Variants in SLC27A6 observed in about 807,000 individuals in gnomAD.
SLC27A6 encodes the protein long-chain fatty acid transport protein 6.
Under a neutral mutation model 63.9 loss-of-function variants are expected in SLC27A6, and 74 were observed. The ratio of observed to expected loss-of-function variants is 1.16; its 90% CI spans 0.96 to 1.40. The LOEUF (loss-of-function observed/expected upper bound fraction) is 1.40. Ranked by LOEUF, SLC27A6 falls within the 40% of genes most tolerant of loss-of-function variation. SLC27A6 has a pLI of 0.00. For missense variants in SLC27A6, 794 were observed against 732.9 expected, an observed-to-expected ratio of 1.08 and a Z score of -0.96; for synonymous variants, 287 against 260.8, an observed-to-expected ratio of 1.10 and a Z score of -0.97.
At chr5:129,018,542 A>G (rs571998362) in intron 5 of SLC27A6, among the ~76,000 whole-genome samples, 1 of 152,238 alleles carries the variant, frequency 6.6e-6, no homozygotes, top group Admixed American at 6.5e-5. Context: ...ATTCTGAACG[A>G]AAGCATTTTG....
intron 9 of SLC27A6, among the ~76,000 whole-genome samples, chr5:129,029,939 C>G (rs764077315): frequency 2.0e-5 from 3 of 152,002 alleles, no homozygotes; most frequent in African/African-American, 7.2e-5. Flanking sequence ...TCTTCCTCTT[C>G]AGTCAGGACC....
intron 7 of SLC27A6, 32 bp from the exon 8 acceptor site, chr5:129,028,313 G>T (rs1003276930): frequency 2.9e-6 from 4 of 1,400,594 alleles, no homozygotes; most frequent in Non-Finnish European, 4.1e-6. Context: ...AAATACAGGT[G>T]CACTAACTGG....
chr5:128,994,061 G>A (rs1433317758), intron 4 of SLC27A6, among the ~76,000 whole-genome samples: 1 of 152,030 alleles, frequency 6.6e-6, no homozygotes, highest in South Asian at 2.1e-4. Flanking sequence ...CCAGCTACTC[G>A]GGAGGCTGAG....
chr5:128,989,300 C>T (rs990661536), intron 3 of SLC27A6, among the ~76,000 whole-genome samples: 1 of 151,402 alleles, frequency 6.6e-6, no homozygotes, highest in African/African-American at 2.5e-5. Flanking sequence ...GAACAGTCTG[C>T]CATAGACACT....
chr5:128,968,372 C>G (rs1749993011), intron 1 of SLC27A6, among the ~76,000 whole-genome samples: 1 of 152,124 alleles, frequency 6.6e-6, no homozygotes, highest in Non-Finnish European at 1.5e-5. Context: ...ATTTACACTC[C>G]CACCAACAGT....
chr5:129,006,071 G>GTTTTTTTTTTTTGTTTTTT (rs1751514544), intron 4 of SLC27A6, among the ~76,000 whole-genome samples: 1 of 60,144 alleles, frequency 1.7e-5, no homozygotes, highest in African/African-American at 8.3e-5. Flanking sequence ...TGTGCACACT[G>GTTTTTTTTTTTTGTTTTTT]TTTTTTTTTT....
intron 4 of SLC27A6, among the ~76,000 whole-genome samples, chr5:128,997,593 A>T (rs547700856): frequency 1.3e-5 from 2 of 152,328 alleles, no homozygotes; most frequent in East Asian, 3.9e-4. Flanking sequence ...GCTTTTTATA[A>T]GTGCTAATTT....
At chr5:129,020,669 T>A (rs1386851261) in intron 5 of SLC27A6, among the ~76,000 whole-genome samples, 2 of 152,144 alleles carry the variant, frequency 1.3e-5, no homozygotes, top group African/African-American at 4.8e-5. Flanking sequence ...GCCTTAAAAG[T>A]AGGTGTCTTT....
intron 1 of SLC27A6, among the ~76,000 whole-genome samples, chr5:128,983,948 G>T (rs1750701122): frequency 6.6e-6 from 1 of 152,094 alleles, no homozygotes; most frequent in Non-Finnish European, 1.5e-5. Flanking sequence ...AACTCCAAAA[G>T]GCCAGTGGGG....
intron 7 of SLC27A6, 50 bp downstream of exon 7, chr5:129,027,381 C>A: frequency 7.1e-7 from 1 of 1,399,472 alleles, no homozygotes; most frequent in Non-Finnish European, 1.0e-6. Context: ...GTGAACCATG[C>A]TTCTATAGAA....
intron 6 of SLC27A6, among the ~76,000 whole-genome samples, chr5:129,025,043 G>A (rs1014931906): frequency 4.6e-5 from 7 of 152,146 alleles, no homozygotes; most frequent in Non-Finnish European, 1.0e-4. Flanking sequence ...CTTTTCTACT[G>A]TTCTATTTCT....
rs2150149342 is a variant in SLC27A6, at chr5:129,014,872, C to A, written c.970-1013C>A. On this transcript the variant is annotated intron_variant, in intron 4 of 9. Transcript: ENST00000262462. ...TCTGCTCAATCACATGTCCTTTTAT[C>A]TCTTCACTTTTCAGTTTCCAAAATT... Among the ~76,000 whole-genome samples the A allele has an allele frequency of 4.6e-5, 7 of 152,314 alleles. No homozygotes were observed. In the South Asian group the frequency reaches 1.4e-3, roughly 32 times the overall value.
At chr5:128,967,030 GAT>G (rs1348898253) in intron 1 of SLC27A6, among the ~76,000 whole-genome samples, 2 of 152,194 alleles carry the variant, frequency 1.3e-5, no homozygotes, top group East Asian at 3.9e-4. Flanking sequence ...TTGCAGAAGA[GAT>G]ATGTTTAAAG....
chr5:128,975,527 T>C (rs1750346160), intron 1 of SLC27A6, among the ~76,000 whole-genome samples: 2 of 152,166 alleles, frequency 1.3e-5, no homozygotes, highest in East Asian at 3.9e-4. Context: ...GTACTGAATA[T>C]CGTAGGCAAT....
intron 7 of SLC27A6, 39 bp downstream of exon 7, chr5:129,027,370 T>C (rs369872344): frequency 6.8e-6 from 10 of 1,469,364 alleles, no homozygotes; most frequent in Non-Finnish European, 8.5e-6. Context: ...GTTCTGTAAT[T>C]GTGAACCATG....
At chr5:128,969,614 T>C (rs538598594) in intron 1 of SLC27A6, among the ~76,000 whole-genome samples, 3 of 152,304 alleles carry the variant, frequency 2.0e-5, no homozygotes, top group Non-Finnish European at 2.9e-5. Flanking sequence ...CACATTGATT[T>C]TCTGTCCTGA....
chr5:129,007,790 A>C (rs1751594292), intron 4 of SLC27A6, among the ~76,000 whole-genome samples: 1 of 152,106 alleles, frequency 6.6e-6, no homozygotes, highest in African/African-American at 2.4e-5. Flanking sequence ...TGAGATGCAA[A>C]AATTTATAGA....
At chr5:129,012,451 G>A (rs1324912181) in intron 4 of SLC27A6, among the ~76,000 whole-genome samples, 4 of 151,854 alleles carry the variant, frequency 2.6e-5, no homozygotes, top group African/African-American at 4.8e-5. Flanking sequence ...TCAGTACCTT[G>A]TTACACTGTT....
At position 128,970,737 on chromosome 5, in the gene SLC27A6, G is replaced by T. The variant is rs939388297; in HGVS notation, c.481+4119G>T. On this transcript the variant is annotated intron_variant, in intron 1 of 9. Coordinates refer to ENST00000262462, the MANE Select transcript of SLC27A6 (RefSeq NM_001017372.3). ...CCTGGATTCTTTGATTTTTTGAAGG[G>T]TTTTTTATGTCTCTATCTCCTTCAG... Among the ~76,000 whole-genome samples the T allele has an allele frequency of 4.6e-5, 7 of 151,600 alleles. No individual in the cohort carries two copies. The South Asian group carries it at 8.4e-4, about 18-fold the overall frequency.
Sources: allele counts gnomAD v4.1 joint callset (sites outside exome capture counted in the v4.1 genomes callset), GRCh38; gene constraint gnomAD v4.1.1; transcripts MANE v1.5; gene names NCBI Gene and HGNC (gene_info 2026-07-23, HGNC 2026-07-21).